HECTD4: variants seen among roughly 807,000 people sequenced by gnomAD.
HECTD4 encodes probable E3 ubiquitin-protein ligase HECTD4.
A neutral mutation model predicts 471.5 loss-of-function variants in HECTD4; 114 were observed. The observed-to-expected ratio is 0.24, with a 90% CI of 0.21 to 0.28. The LOEUF (loss-of-function observed/expected upper bound fraction) is 0.28, where lower values mean the gene tolerates loss of function less well. HECTD4 is among the 10% of genes least tolerant of loss of function. The pLI, the probability that HECTD4 is intolerant of heterozygous loss-of-function variation, is 1.00. For missense variants in HECTD4, 3,866 were observed against 5,651.5 expected (o/e 0.68, Z 10.13); for synonymous variants, 2,012 against 2,256.0 (o/e 0.89, Z 3.07).
At position 112,213,847 on chromosome 12, in the gene HECTD4, C is replaced by A. The variant is rs536857631; in HGVS notation, c.7466-1197G>T. Among the ~76,000 whole-genome samples the A allele has an allele frequency of 1.5e-4, 23 of 151,430 alleles. No individual in the cohort carries two copies. Among genetic ancestry groups the A allele is most frequent in the African/African-American group, 5.1e-4 (21 of 41,310 alleles). On this transcript the variant is annotated intron_variant, in intron 48 of 75. Coordinates refer to ENST00000682272, the MANE Select transcript of HECTD4 (RefSeq NM_001388303.1). This position sits in a 1 kb window ranked among gnomAD's most constrained non-coding sequence, Gnocchi z 4.0. ...GACCAGCCTAGGCAACACAGTGAGA[C>A]CTCGTCTCTACAAAAAATACAGAAA... is the stretch of plus-strand genomic sequence containing the variant.
chr12:112,202,607 G>A (rs2032462087), intron 54 of HECTD4, among the ~76,000 whole-genome samples: 1 of 152,136 alleles, frequency 6.6e-6, no homozygotes, highest in African/African-American at 2.4e-5. Flanking sequence ...TCTATACAGT[G>A]ATTGATGATA....
chr12:112,251,960 C>A (rs757958646), intron 23 of HECTD4, among the ~76,000 whole-genome samples: 2 of 152,068 alleles, frequency 1.3e-5, no homozygotes, highest in Non-Finnish European at 2.9e-5. Context: ...TTAGTAGAGA[C>A]GGGGTTTCAC....
Position 112,256,383 on chromosome 12 carries a change from T to C in HECTD4, c.3264A>G (p.Pro1088=). 6.2e-7 allele frequency: 1 copy of C among 1,612,642 alleles called. No individual in the cohort carries two copies. The highest frequency in any genetic ancestry group is 8.5e-7 in the Non-Finnish European group (1 of 1,179,284). ...ATCTAAGGTACAGGCAGCGAGCTCC[T>C]GGGATATGGACCGTTTCTTTAAATT... ...NYKFKETVHI[P]GARCLYLRFD... is the part of the protein sequence containing the mutation. Residue 1088 remains proline, a synonymous_variant, in exon 21 of 76, where the codon CCA becomes CCG. Transcript: ENST00000682272.
rs547525969 is a variant in HECTD4, at chr12:112,314,527, C to G, written c.715G>C (p.Val239Leu). The stretch of plus-strand genomic sequence containing the variant: ...TTCTGTAATAGATGGACTGTGTGGA[C>G]GAAAGTTTTCAATGATCCCCTAAAA... ...ACARGSLKTFVHTVHLLQKQT... is the reference protein window; with the variant it reads ...ACARGSLKTFLHTVHLLQKQT... The change falls in exon 3 of 76, where the codon GTC becomes CTC. Residue 239 changes from valine to leucine, a missense_variant. Transcript: ENST00000682272. 6.6e-7 allele frequency: 1 copy of G among 1,523,766 alleles called. No homozygotes were observed. The highest frequency in any genetic ancestry group is 8.8e-7 in the Non-Finnish European group (1 of 1,136,120). The allele number at this position is 1,523,766 out of a possible 1,614,324, so 94.4% of individuals were successfully genotyped here. A position where few individuals can be genotyped will look rare whatever the true frequency, so the allele number is the denominator to read the frequency against.
Position 112,244,047 on chromosome 12 carries a change from T to C in HECTD4, c.4514-38A>G, listed in dbSNP as rs770526261. On this transcript the variant is annotated intron_variant, in intron 29 of 75. Coordinates refer to ENST00000682272, the MANE Select transcript of HECTD4 (RefSeq NM_001388303.1). ...GGAATAAAAAGGCTGACATTTCTGC[T>C]ATCTGTACAACAGCCAAATGCAACA... 20 of 1,608,998 alleles carry C rather than the reference T, an allele frequency of 1.2e-5. No homozygotes were observed. The South Asian group carries it at 2.1e-4, about 17-fold the overall frequency.
intron 60 of HECTD4, 112 bp from the exon 61 acceptor site, chr12:112,185,605 G>A: frequency 2.6e-6 from 2 of 758,316 alleles, no homozygotes; most frequent in South Asian, 2.2e-5. Context: ...CACTGACTGC[G>A]CAATTCAGTC....
intron 66 of HECTD4, among the ~76,000 whole-genome samples, chr12:112,175,143 A>G (rs1345044705): frequency 6.6e-6 from 1 of 152,148 alleles, no homozygotes; most frequent in Non-Finnish European, 1.5e-5. Flanking sequence ...CTGTTATGGG[A>G]CTGAACTGTG....
At chr12:112,339,641 G>C (rs1178888054) in intron 1 of HECTD4, among the ~76,000 whole-genome samples, 1 of 151,968 alleles carries the variant, frequency 6.6e-6, no homozygotes, top group African/African-American at 2.4e-5. Context: ...AAAAGATAGA[G>C]ATACACAAAC....
chr12:112,238,651 T>A (rs2033570757), intron 34 of HECTD4, among the ~76,000 whole-genome samples: 1 of 152,064 alleles, frequency 6.6e-6, no homozygotes, highest in African/African-American at 2.4e-5. Flanking sequence ...TCTTATCATT[T>A]GAGCCAGGGA....
rs963160315 is a variant in HECTD4 at position 112,188,502 on chromosome 12, G to A, written c.9472+2284C>T. Among the ~76,000 whole-genome samples, 1 of 152,188 alleles carries A rather than the reference G, an allele frequency of 6.6e-6. No homozygotes were observed. Among genetic ancestry groups the A allele is most frequent in the Non-Finnish European group, 1.5e-5 (1 of 68,038 alleles). On this transcript the variant is annotated intron_variant, in intron 60 of 75. Coordinates refer to ENST00000682272, the MANE Select transcript of HECTD4 (RefSeq NM_001388303.1). The surrounding 1 kb of genome is among the most constrained non-coding windows in gnomAD (Gnocchi z 4.2). The stretch of plus-strand genomic sequence containing the variant: ...TACCCTGGATCTGAGTGGAAAGAGA[G>A]AAAGCTCATGTACGTGAGACACGAT...
At chr12:112,270,533 T>C (rs2034392685) in intron 11 of HECTD4, 74 bp from the exon 12 acceptor site, 2 of 1,211,182 alleles carry the variant, frequency 1.7e-6, no homozygotes, top group Non-Finnish European at 2.4e-6. Flanking sequence ...ACCTTTGACT[T>C]ACAAAAGGTG....
intron 20 of HECTD4, chr12:112,256,797 T>C (rs1490278246): frequency 1.3e-5 from 3 of 228,208 alleles, no homozygotes; most frequent in Non-Finnish European, 2.5e-5. Context: ...CCTCTTTTTT[T>C]CAAGGGCGAA....
chr12:112,312,845 T>C (rs770317994), intron 4 of HECTD4, among the ~76,000 whole-genome samples, 172 bp downstream of exon 4: 6 of 152,220 alleles, frequency 3.9e-5, no homozygotes, highest in Non-Finnish European at 7.3e-5. Context: ...CTCACCAGTA[T>C]CAGCTTTTAT....
intron 1 of HECTD4, among the ~76,000 whole-genome samples, chr12:112,343,463 CTGTT>C (rs548853769): frequency 3.7e-4 from 56 of 152,280 alleles, no homozygotes; most frequent in Middle Eastern, 6.8e-3. Flanking sequence ...ATATTGAACA[CTGTT>C]TGTATTAGAG....
At chr12:112,276,375 A>G (rs1485589888) in intron 9 of HECTD4, among the ~76,000 whole-genome samples, 1 of 152,202 alleles carries the variant, frequency 6.6e-6, no homozygotes, top group Non-Finnish European at 1.5e-5. Flanking sequence ...AATATGTGGT[A>G]ATAGGAGGAA....
intron 27 of HECTD4, 32 bp downstream of exon 27, chr12:112,248,035 T>C (rs765834988): frequency 4.1e-6 from 6 of 1,477,380 alleles, no homozygotes; most frequent in Non-Finnish European, 5.6e-6. Context: ...TAAATGGCAA[T>C]ACCCCAGTGA....
chr12:112,296,654 G>GT (rs1176446873), intron 7 of HECTD4, among the ~76,000 whole-genome samples: 23 of 151,190 alleles, frequency 1.5e-4, no homozygotes, highest in African/African-American at 5.6e-4. Flanking sequence ...TACAGTGGAT[G>GT]TAGGTGCAGA....
At chr12:112,270,543 G>T in intron 11 of HECTD4, 84 bp from the exon 12 acceptor site, 2 of 1,082,510 alleles carry the variant, frequency 1.8e-6, no homozygotes, top group South Asian at 1.3e-5. Flanking sequence ...TACAAAAGGT[G>T]TGTGCGCACT....
At chr12:112,363,677 T>C (rs1476830878) in intron 1 of HECTD4, among the ~76,000 whole-genome samples, 2 of 151,942 alleles carry the variant, frequency 1.3e-5, no homozygotes, top group Non-Finnish European at 2.9e-5. Flanking sequence ...CTATGCTCTA[T>C]ACAAAAATCA....
Sources: gnomAD v4.1 joint callset for allele counts (sites outside exome capture counted in the v4.1 genomes callset) on GRCh38, gnomAD v4.1.1 for gene constraint, Gnocchi (gnomAD v3.1) non-coding constraint, MANE v1.5 for transcripts, NCBI Gene and HGNC (gene_info 2026-07-23, HGNC 2026-07-21) for gene names.